Variants in ATG16L1 observed in about 807,000 individuals in gnomAD.
ATG16L1 encodes autophagy related 16 like 1.
ATG16L1 carries 37 observed loss-of-function variants against 88.5 expected under a neutral mutation model. The observed-to-expected ratio is 0.42, with a 90% CI of 0.32 to 0.55. The LOEUF (loss-of-function observed/expected upper bound fraction) is 0.55. Among genes scored for constraint, ATG16L1 ranks in the 20% least tolerant of loss-of-function variants. The probability of loss-of-function intolerance (pLI) is 0.13; values close to 1 mark genes in which losing one functional copy is unlikely to be tolerated. For missense variants in ATG16L1, 554 were observed against 752.8 expected (o/e 0.74, Z 3.09); for synonymous variants, 301 against 281.0 (o/e 1.07, Z -0.71).
chr2:233,251,982 GC>G, intron 1 of ATG16L1, 40 bp downstream of exon 1: 1 of 1,473,376 alleles, frequency 6.8e-7, no homozygotes, highest in Non-Finnish European at 9.0e-7. Flanking sequence ...GGGCGGGCGG[GC>G]CCCGCGGAGG....
intron 10 of ATG16L1, 23 bp from the exon 11 acceptor site, chr2:233,281,082 C>G: frequency 6.6e-7 from 1 of 1,523,182 alleles, no homozygotes; most frequent in Non-Finnish European, 8.9e-7. Flanking sequence ...TTCCCATCAT[C>G]CTAATTTTTT....
At chr2:233,266,514 T>G (rs1348238117) in intron 5 of ATG16L1, among the ~76,000 whole-genome samples, 1 of 152,078 alleles carries the variant, frequency 6.6e-6, no homozygotes, top group Admixed American at 6.5e-5. Context: ...AATCCCCATA[T>G]CAGTAGTTTC....
chr2:233,264,629 T>C (rs1302986754), intron 4 of ATG16L1, among the ~76,000 whole-genome samples: 1 of 152,166 alleles, frequency 6.6e-6, no homozygotes, highest in Non-Finnish European at 1.5e-5. Flanking sequence ...ATATACGGTT[T>C]CCAGCCTCCT....
intron 8 of ATG16L1, chr2:233,274,456 G>A: frequency 2.0e-6 from 1 of 488,050 alleles, no homozygotes; most frequent in Non-Finnish European, 3.7e-6. Context: ...ACAGGTTAGT[G>A]TGCAGGAGAG....
rs934419634 is a variant in ATG16L1, at chr2:233,289,410, A to T, written c.1204-444A>T. Among the ~76,000 whole-genome samples, 176 of 40,200 alleles carry T rather than the reference A, an allele frequency of 4.4e-3. 1 individual carries two copies. The highest frequency in any genetic ancestry group is 7.3e-3 in the Non-Finnish European group (119 of 16,344). 26.4% of individuals were successfully genotyped at this position (40,200 alleles called of 152,430 possible). A position where few individuals can be genotyped will look rare whatever the true frequency, so the allele number is the denominator to read the frequency against. On this transcript the variant is annotated intron_variant, in intron 12 of 17. Transcript: ENST00000392017. ...GTGTGTGTGTGTGTGTGTGTGTGTG[A>T]CAGGATCTTGCTATCACTCAGGTGG...
chr2:233,252,254 G>A (rs1157854812), intron 1 of ATG16L1, among the ~76,000 whole-genome samples: 3 of 152,212 alleles, frequency 2.0e-5, no homozygotes, highest in Admixed American at 1.3e-4. Context: ...CCCATCTATG[G>A]GGTCATGTTA....
At position 233,288,748 on chromosome 2, in the gene ATG16L1, C is replaced by G. The variant is rs148832644; in HGVS notation, c.1204-1106C>G. 7.1e-4 allele frequency: 368 copies of G among 518,628 alleles called. 2 individuals are homozygous for G. Among genetic ancestry groups the G allele is most frequent in the Non-Finnish European group, 1.1e-3 (287 of 259,480 alleles). 32.1% of individuals were successfully genotyped at this position (518,628 alleles called of 1,614,324 possible). A position where few individuals can be genotyped will look rare whatever the true frequency, so the allele number is the denominator to read the frequency against. Reference sequence around the variant, plus strand: ...GCATCCCAGTTATCCCCAGCTGCCTCTCCTCCATCGCACTTCAGAAGTGCT... The same window carrying G: ...GCATCCCAGTTATCCCCAGCTGCCTGTCCTCCATCGCACTTCAGAAGTGCT... On this transcript the variant is annotated intron_variant, in intron 12 of 17. Coordinates refer to ENST00000392017, the MANE Select transcript of ATG16L1 (RefSeq NM_030803.7).
intron 12 of ATG16L1, among the ~76,000 whole-genome samples, chr2:233,286,621 C>CTTTTTTTTTTTTTT (rs10676895): frequency 1.1e-5 from 1 of 93,288 alleles, no homozygotes; most frequent in African/African-American, 4.7e-5. Flanking sequence ...GAAGCCCAAA[C>CTTTTTTTTTTTTTT]TTTTTTTTTT....
chr2:233,272,296 C>G (rs986610524), intron 6 of ATG16L1, among the ~76,000 whole-genome samples: 3 of 152,214 alleles, frequency 2.0e-5, no homozygotes, highest in Non-Finnish European at 2.9e-5. Flanking sequence ...GGAGCATGTC[C>G]TATGACTTGA....
intron 9 of ATG16L1, 21 bp downstream of exon 9, chr2:233,274,799 A>T (rs1698233698): frequency 6.4e-7 from 1 of 1,569,656 alleles, no homozygotes. Context: ...TTCAGCCCCG[A>T]ACCCTACCAC....
At chr2:233,273,937 A>G in intron 8 of ATG16L1, 160 bp downstream of exon 8, 1 of 1,538,982 alleles carries the variant, frequency 6.5e-7, no homozygotes, top group Non-Finnish European at 8.8e-7. Flanking sequence ...TTTTTTCCTC[A>G]ACTTCCTTTC....
intron 8 of ATG16L1, chr2:233,274,434 GT>G: frequency 2.3e-6 from 1 of 436,244 alleles, no homozygotes; most frequent in Non-Finnish European, 4.1e-6. Context: ...TCATTGTTGG[GT>G]TTTGGAGTCC....
chr2:233,280,685 G>A (rs1293250280), intron 10 of ATG16L1, among the ~76,000 whole-genome samples: 3 of 152,146 alleles, frequency 2.0e-5, no homozygotes, highest in African/African-American at 7.2e-5. Context: ...CTACAAAAGT[G>A]GTAGTTAAGT....
Position 233,286,621 on chromosome 2 carries a change from C to CATTTTTTTTT in ATG16L1, c.1204-3233_1204-3232insATTTTTTTTT, listed in dbSNP as rs34087184. ...AGAATAAGGTGAGCAGAAGCCCAAA[C>CATTTTTTTTT]TTTTTTTTTTTTTTTTTTTTTTGAG... On this transcript the variant is annotated intron_variant, in intron 12 of 17. Coordinates refer to ENST00000392017, the MANE Select transcript of ATG16L1 (RefSeq NM_030803.7). 2.3e-3 allele frequency among the ~76,000 whole-genome samples: 219 copies of CATTTTTTTTT among 93,268 alleles called. 2 individuals carry two copies. The highest frequency in any genetic ancestry group is 3.3e-3 in the Non-Finnish European group (167 of 50,086). The allele number at this position is 93,268 out of a possible 152,430, so 61.2% of individuals were successfully genotyped here.
chr2:233,294,417 C>CA lies in ATG16L1; in HGVS notation c.*67_*68insA. The CA allele has an allele frequency of 3.0e-6, 4 of 1,330,288 alleles. No individual in the cohort carries two copies. The highest frequency in any genetic ancestry group is 1.2e-5 in the South Asian group (1 of 81,936). The allele number at this position is 1,330,288 out of a possible 1,614,324, so 82.4% of individuals were successfully genotyped here. A position where few individuals can be genotyped will look rare whatever the true frequency, so the allele number is the denominator to read the frequency against. On this transcript the variant is annotated 3_prime_UTR_variant, in exon 18 of 18. Coordinates refer to ENST00000392017, the MANE Select transcript of ATG16L1 (RefSeq NM_030803.7). ...AAGAAGCACATGGGCTCCTGCAGCC[C>CA]TGTCCTGGCAGGTGATGTGCTGGGT...
chr2:233,263,789 G>A (rs1370788703), intron 3 of ATG16L1, among the ~76,000 whole-genome samples: 2 of 152,196 alleles, frequency 1.3e-5, no homozygotes, highest in Non-Finnish European at 2.9e-5. Context: ...GCAGTCACCT[G>A]GAACACTTCT....
At chr2:233,274,901 A>G (rs2125252376) in intron 9 of ATG16L1, 123 bp downstream of exon 9, 1 of 638,404 alleles carries the variant, frequency 1.6e-6, no homozygotes, top group Non-Finnish European at 2.5e-6. Flanking sequence ...AAGCCTTTCC[A>G]CCTTTTGGCT....
At chr2:233,285,363 G>A (rs1474503969) in intron 12 of ATG16L1, among the ~76,000 whole-genome samples, 2 of 152,198 alleles carry the variant, frequency 1.3e-5, no homozygotes, top group Non-Finnish European at 2.9e-5. Context: ...CTATACAGGT[G>A]GGCATCAGCC....
chr2:233,270,744 G>A (rs749423954), intron 6 of ATG16L1, among the ~76,000 whole-genome samples: 3 of 152,168 alleles, frequency 2.0e-5, no homozygotes, highest in East Asian at 3.8e-4. Context: ...TAGTTCTGGA[G>A]CTTTTCCTAA....
Sources: allele counts gnomAD v4.1 joint callset (sites outside exome capture counted in the v4.1 genomes callset), GRCh38; gene constraint gnomAD v4.1.1; transcripts MANE v1.5; gene names NCBI Gene and HGNC (gene_info 2026-07-23, HGNC 2026-07-21).